PHF14: variants seen among roughly 807,000 people sequenced by gnomAD.
PHF14 encodes PHD finger protein 14.
PHF14 carries 55 observed loss-of-function variants against 117.9 expected under a neutral mutation model. The observed-to-expected ratio is 0.47, with a 90% CI of 0.38 to 0.58. The LOEUF (loss-of-function observed/expected upper bound fraction) is 0.58, where lower values mean the gene tolerates loss of function less well. PHF14 is among the 20% of genes least tolerant of loss of function. The pLI, the probability that PHF14 is intolerant of heterozygous loss-of-function variation, is 0.00. For missense variants in PHF14, 978 were observed against 1,122.2 expected, an observed-to-expected ratio of 0.87 and a Z score of 1.84; for synonymous variants, 409 against 368.6, an observed-to-expected ratio of 1.11 and a Z score of -1.26.
intron 5 of PHF14, among the ~76,000 whole-genome samples, chr7:11,019,140 A>G (rs11762800): frequency 0.032 from 4,819 of 152,086 alleles, 110 homozygotes; most frequent in Non-Finnish European, 0.043. Context: ...GTTTGCTGGT[A>G]TTTTGTTGAG....
intron 14 of PHF14, among the ~76,000 whole-genome samples, chr7:11,061,005 G>A (rs778814217): frequency 6.6e-6 from 1 of 152,022 alleles, no homozygotes; most frequent in Non-Finnish European, 1.5e-5. Flanking sequence ...TCTAGCTTGG[G>A]AATGTTCCTT....
intron 17 of PHF14, among the ~76,000 whole-genome samples, chr7:11,145,759 A>C (rs1788533069): frequency 6.6e-6 from 1 of 152,096 alleles, no homozygotes; most frequent in African/African-American, 2.4e-5. Flanking sequence ...GATACATGGA[A>C]TATTATTATC....
intron 4 of PHF14, among the ~76,000 whole-genome samples, chr7:10,997,321 G>T (rs926593797): frequency 2.0e-5 from 3 of 152,116 alleles, no homozygotes; most frequent in Non-Finnish European, 4.4e-5. Context: ...AATAAAAGAA[G>T]GGAAAGTGCA....
intron 16 of PHF14, among the ~76,000 whole-genome samples, chr7:11,073,709 C>G (rs979594481): frequency 2.6e-5 from 4 of 152,208 alleles, no homozygotes; most frequent in African/African-American, 9.7e-5. Flanking sequence ...CCGCACTGCA[C>G]TAGTAGAGGC....
intron 5 of PHF14, among the ~76,000 whole-genome samples, chr7:11,018,571 T>C (rs1159245541): frequency 6.6e-6 from 1 of 152,220 alleles, no homozygotes; most frequent in Non-Finnish European, 1.5e-5. Context: ...GTAGACATGC[T>C]CCTGATTTTT....
At chr7:11,017,001 GT>G (rs1783556918) in intron 5 of PHF14, among the ~76,000 whole-genome samples, 1 of 152,126 alleles carries the variant, frequency 6.6e-6, no homozygotes, top group Admixed American at 6.6e-5. Flanking sequence ...AACATGTGAT[GT>G]TTGTCTTGCT....
chr7:11,072,815 T>TA (rs1455898393), intron 16 of PHF14, among the ~76,000 whole-genome samples: 1 of 152,164 alleles, frequency 6.6e-6, no homozygotes, highest in Non-Finnish European at 1.5e-5. Context: ...TCAGGAAACT[T>TA]ACAATCATGG....
rs1788830868 is a variant in PHF14 at position 11,155,859 on chromosome 7, A to G, written c.2773-13557A>G. Among the ~76,000 whole-genome samples the G allele has an allele frequency of 3.9e-5, 6 of 152,024 alleles. No homozygotes were observed. The South Asian group carries it at 1.2e-3, about 32-fold the overall frequency. ...GAAGGAATGAATAGATGGCTTATATAGCTTGCTGGAGATCTGTTTTCAAGT... is the reference window on the plus strand; with the variant it reads ...GAAGGAATGAATAGATGGCTTATATGGCTTGCTGGAGATCTGTTTTCAAGT... On this transcript the variant is annotated intron_variant, in intron 17 of 17. Transcript: ENST00000634607.
chr7:10,990,901 A>C (rs1463235406), intron 4 of PHF14, 54 bp downstream of exon 4: 1 of 1,295,462 alleles, frequency 7.7e-7, no homozygotes, highest in African/African-American at 1.5e-5. Flanking sequence ...TGGCTCTTTT[A>C]CATTTGTACT....
chr7:11,160,705 G>A (rs187012209), intron 17 of PHF14, among the ~76,000 whole-genome samples: 4 of 152,208 alleles, frequency 2.6e-5, no homozygotes, highest in Admixed American at 2.0e-4. Context: ...TTTGTTGGCT[G>A]TTTGTATGTC....
At chr7:11,049,097 A>G (rs536736788) in intron 13 of PHF14, among the ~76,000 whole-genome samples, 3 of 152,356 alleles carry the variant, frequency 2.0e-5, no homozygotes, top group African/African-American at 7.2e-5. Context: ...GATTTATCTG[A>G]AAAGGTACCT....
rs150456570 is a variant in PHF14, at chr7:10,979,992, C to T, written c.113-2380C>T. On this transcript the variant is annotated intron_variant, in intron 2 of 17. Coordinates refer to ENST00000634607, the MANE Select transcript of PHF14 (RefSeq NM_001007157.2). Reference sequence around the variant, plus strand: ...TAAAAATTTTTTAAAAAATTGCTTTCTATTCAGGCATGGTTATAAATCAAA... The same window carrying T: ...TAAAAATTTTTTAAAAAATTGCTTTTTATTCAGGCATGGTTATAAATCAAA... Among the ~76,000 whole-genome samples the T allele has an allele frequency of 6.4e-3, 969 of 152,150 alleles. 14 individuals are homozygous for T. The highest frequency in any genetic ancestry group is 0.023 in the African/African-American group (936 of 41,538).
chr7:11,116,165 C>T (rs1047832083), intron 17 of PHF14, among the ~76,000 whole-genome samples: 3 of 152,010 alleles, frequency 2.0e-5, no homozygotes, highest in Admixed American at 1.3e-4. Flanking sequence ...ATGAAAGCCA[C>T]TTCAAGCTGC....
chr7:11,126,970 T>C (rs1787945993), intron 17 of PHF14, among the ~76,000 whole-genome samples: 1 of 152,210 alleles, frequency 6.6e-6, no homozygotes, highest in Admixed American at 6.6e-5. Flanking sequence ...TGCTCTTAAT[T>C]CCAAGACAAG....
At chr7:11,159,059 A>C (rs747598856) in intron 17 of PHF14, among the ~76,000 whole-genome samples, 1 of 152,162 alleles carries the variant, frequency 6.6e-6, no homozygotes, top group Admixed American at 6.5e-5. Context: ...TATTTAAATC[A>C]GGCTATTTTA....
intron 17 of PHF14, among the ~76,000 whole-genome samples, chr7:11,138,707 A>T (rs1330727906): frequency 3.9e-5 from 6 of 152,220 alleles, no homozygotes; most frequent in African/African-American, 1.4e-4. Flanking sequence ...GAGAAAAGAG[A>T]TCGTGAGAGA....
chr7:11,009,896 C>T (rs220097), intron 4 of PHF14, among the ~76,000 whole-genome samples: 96,341 of 152,058 alleles, frequency 0.63, 31,153 homozygotes, highest in Middle Eastern at 0.73. Context: ...CTAAGATTAA[C>T]TGTAGGAGGT....
At chr7:11,166,716 C>T (rs115890165) in intron 17 of PHF14, among the ~76,000 whole-genome samples, 107 of 152,222 alleles carry the variant, frequency 7.0e-4, no homozygotes, top group African/African-American at 2.5e-3. Context: ...TAATGCTTTT[C>T]TGCACCTAGG....
At chr7:10,978,522 G>T (rs1781944056) in intron 2 of PHF14, among the ~76,000 whole-genome samples, 1 of 152,138 alleles carries the variant, frequency 6.6e-6, no homozygotes, top group African/African-American at 2.4e-5. Context: ...TTGGGGATCA[G>T]TGTTGAGTAA....
Sources: allele counts gnomAD v4.1 joint callset (sites outside exome capture counted in the v4.1 genomes callset), GRCh38; gene constraint gnomAD v4.1.1; transcripts MANE v1.5; gene names NCBI Gene and HGNC (gene_info 2026-07-23, HGNC 2026-07-21).